ABCA1: variants seen among roughly 807,000 people sequenced by gnomAD.
ABCA1 encodes ATP binding cassette subfamily A member 1, also known as phospholipid-transporting ATPase ABCA1.
A neutral mutation model predicts 262.5 loss-of-function variants in ABCA1; 133 were observed. The observed-to-expected ratio is 0.51, with a 90% CI of 0.44 to 0.59. The LOEUF is 0.59. Ranked by LOEUF, ABCA1 falls within the 20% of genes least tolerant of loss-of-function variation. ABCA1 has a pLI of 0.00. For synonymous variants in ABCA1, 1,022 were observed against 1,043.5 expected (o/e 0.98, Z 0.40); for missense variants, 2,452 against 2,777.5 (o/e 0.88, Z 2.63).
At chr9:104,799,670 C>A in intron 36 of ABCA1, 149 bp downstream of exon 36, 1 of 1,530,964 alleles carries the variant, frequency 6.5e-7, no homozygotes, top group Non-Finnish European at 8.8e-7. Context: ...AAACTTATCA[C>A]TTCTGCCCAG....
At chr9:104,905,692 A>G (rs759605493) in intron 1 of ABCA1, among the ~76,000 whole-genome samples, 1 of 152,200 alleles carries the variant, frequency 6.6e-6, no homozygotes, top group Admixed American at 6.5e-5. Flanking sequence ...ATTGTTTTCT[A>G]AGTGGCTCAG....
chr9:104,911,765 C>G (rs1372625761), intron 1 of ABCA1, among the ~76,000 whole-genome samples: 2 of 152,212 alleles, frequency 1.3e-5, no homozygotes, highest in African/African-American at 2.4e-5. Flanking sequence ...GTACTCCCCC[C>G]TGAAACTGTG....
At chr9:104,868,932 C>T (rs963483996) in intron 5 of ABCA1, among the ~76,000 whole-genome samples, 1 of 151,692 alleles carries the variant, frequency 6.6e-6, no homozygotes, top group African/African-American at 2.4e-5. Flanking sequence ...GCTTTCCAGG[C>T]CATTCAGTGT....
chr9:104,831,962 T>G, intron 12 of ABCA1, 135 bp from the exon 13 acceptor site: 1 of 868,648 alleles, frequency 1.2e-6, no homozygotes, highest in Non-Finnish European at 1.9e-6. Flanking sequence ...TCTAACGTAG[T>G]TTTCCAACCT....
chr9:104,922,002 G>A (rs1227165191), intron 1 of ABCA1, among the ~76,000 whole-genome samples: 2 of 152,148 alleles, frequency 1.3e-5, no homozygotes, highest in East Asian at 3.9e-4. Context: ...TCATGAGGAG[G>A]GAAGCATTTA....
intron 49 of ABCA1, 114 bp downstream of exon 49, chr9:104,785,282 C>G: frequency 7.2e-7 from 1 of 1,393,980 alleles, no homozygotes; most frequent in Non-Finnish European, 9.9e-7. Context: ...AATAGTAGAT[C>G]AGGAATTCAA....
rs1207189857 is a variant in ABCA1, at chr9:104,926,968, TGG to T, written c.-93+965_-93+966del. Among the ~76,000 whole-genome samples the T allele has an allele frequency of 9.2e-5, 14 of 151,628 alleles. No individual in the cohort carries two copies. The East Asian group carries it at 2.7e-3, about 30-fold the overall frequency. ...GGCTCACGCCTATAATCCCAGCACT[TGG>T]GGAGGCCGAGGCCGGTGGATCACCT... is the stretch of plus-strand genomic sequence containing the variant. On this transcript the variant is annotated intron_variant, in intron 1 of 49. Coordinates refer to ENST00000374736, the MANE Select transcript of ABCA1 (RefSeq NM_005502.4).
At chr9:104,854,853 C>T (rs1489923749) in intron 7 of ABCA1, among the ~76,000 whole-genome samples, 1 of 152,212 alleles carries the variant, frequency 6.6e-6, no homozygotes, top group African/African-American at 2.4e-5. Flanking sequence ...CCTTTGTTCT[C>T]ATCAAAAGGA....
intron 48 of ABCA1, 30 bp from the exon 49 acceptor site, chr9:104,785,669 G>C: frequency 6.2e-7 from 1 of 1,612,888 alleles, no homozygotes; most frequent in Non-Finnish European, 8.5e-7. Context: ...CCCAAATGGA[G>C]GATCTCCAGA....
chr9:104,854,825 A>G (rs1401527307), intron 7 of ABCA1, among the ~76,000 whole-genome samples: 2 of 152,204 alleles, frequency 1.3e-5, no homozygotes, highest in African/African-American at 4.8e-5. Context: ...CACAGATAAT[A>G]TTTCATATAT....
chr9:104,844,494 T>G (rs569925468), intron 8 of ABCA1, among the ~76,000 whole-genome samples: 1 of 152,150 alleles, frequency 6.6e-6, no homozygotes, highest in Admixed American at 6.5e-5. Context: ...ATCTCAGCAT[T>G]TTTGTATTTT....
Position 104,858,585 on chromosome 9 carries a change from C to G in ABCA1, c.657G>C (p.Arg219Ser). The G allele has an allele frequency of 6.2e-7, 1 of 1,614,168 alleles. No homozygotes were observed. The highest frequency in any genetic ancestry group is 8.5e-7 in the Non-Finnish European group (1 of 1,180,032). Residue 219 changes from arginine (R) to serine (S), a missense_variant, in exon 7 of 50, where the codon AGG becomes AGC. By Grantham distance (110) the Arg-to-Ser change is moderately radical. Around this residue, in one of 4 missense-constraint regions of ABCA1, gnomAD observed 1,032 missense variants for 1,089.7 expected, o/e 0.95. Transcript: ENST00000374736. ...CTCGCTCTGCTGCAGCCAGTTTCTC[C>G]CTTGGTAGGCCACAAAGCTCAGAAA... is the stretch of plus-strand genomic sequence containing the variant. ...QEVSELCGLP[R>S]EKLAAAERVL...
chr9:104,906,320 A>C (rs1841130820), intron 1 of ABCA1, among the ~76,000 whole-genome samples: 1 of 152,172 alleles, frequency 6.6e-6, no homozygotes, highest in African/African-American at 2.4e-5. Flanking sequence ...GAAAAGCTCA[A>C]AGGAAGAGAA....
intron 16 of ABCA1, among the ~76,000 whole-genome samples, 193 bp from the exon 17 acceptor site, chr9:104,826,080 TTTGTAACCAC>T (rs1485610541): frequency 1.3e-5 from 2 of 152,228 alleles, no homozygotes; most frequent in Non-Finnish European, 2.9e-5. Flanking sequence ...AATGATTCCA[TTTGTAACCAC>T]TCATTATATA....
intron 1 of ABCA1, among the ~76,000 whole-genome samples, chr9:104,907,504 G>C (rs1267072547): frequency 6.6e-6 from 1 of 152,158 alleles, no homozygotes; most frequent in Non-Finnish European, 1.5e-5. Context: ...AATTAATTAA[G>C]AGACGGATAG....
chr9:104,804,610 T>C lies in ABCA1; in HGVS notation c.4559+16A>G. 2 of 1,608,430 alleles carry C rather than the reference T, an allele frequency of 1.2e-6. No homozygotes were observed. Among genetic ancestry groups the C allele is most frequent in the Non-Finnish European group, 1.7e-6 (2 of 1,174,786 alleles). On this transcript the variant is annotated intron_variant, in intron 32 of 49. Transcript: ENST00000374736. ...TAGTAATAATACGGCAGGGGCCAAG[T>C]TTAGTAAAAAGTCACCTTTTGGCTA...
intron 2 of ABCA1, among the ~76,000 whole-genome samples, chr9:104,900,890 G>A (rs1266635182): frequency 6.6e-6 from 1 of 152,200 alleles, no homozygotes; most frequent in Non-Finnish European, 1.5e-5. Context: ...AAGGAAAACA[G>A]GTTAGCAGGC....
At chr9:104,797,935 T>C (rs1830037976) in intron 37 of ABCA1, among the ~76,000 whole-genome samples, 2 of 152,072 alleles carry the variant, frequency 1.3e-5, no homozygotes, top group African/African-American at 4.8e-5. Flanking sequence ...TTCCTTCAAA[T>C]CCCCCATATT....
At chr9:104,849,252 G>A (rs1045606861) in intron 7 of ABCA1, among the ~76,000 whole-genome samples, 11 of 152,310 alleles carry the variant, frequency 7.2e-5, no homozygotes, top group South Asian at 2.1e-4. Flanking sequence ...AATTGAGCAT[G>A]GATGTAAACA....
Sources: gnomAD v4.1 joint callset for allele counts (sites outside exome capture counted in the v4.1 genomes callset) on GRCh38, gnomAD v4.1.1 for gene constraint, gnomAD v4.1.1 regional missense constraint, MANE v1.5 for transcripts, NCBI Gene and HGNC (gene_info 2026-07-23, HGNC 2026-07-21) for gene names.